Variants in GALNT17 observed in about 807,000 individuals in gnomAD.
The protein encoded by GALNT17 is polypeptide N-acetylgalactosaminyltransferase 17, also known as UDP-GalNAc:polypeptide N-acetylgalactosaminyltransferase-like 3.
GALNT17 carries 29 observed loss-of-function variants against 63.7 expected under a neutral mutation model. That is an observed-to-expected ratio of 0.46 (90% CI 0.34 to 0.62). GALNT17 has a LOEUF of 0.62. GALNT17 is among the 20% of genes least tolerant of loss of function. The pLI, the probability that GALNT17 is intolerant of heterozygous loss-of-function variation, is 0.01. For missense variants in GALNT17, 603 were observed against 799.6 expected, an observed-to-expected ratio of 0.75 and a Z score of 2.97; for synonymous variants, 305 against 318.3, an observed-to-expected ratio of 0.96 and a Z score of 0.45.
At chr7:71,276,238 G>C (rs75757147) in intron 1 of GALNT17, among the ~76,000 whole-genome samples, 1 of 152,136 alleles carries the variant, frequency 6.6e-6, no homozygotes, top group Non-Finnish European at 1.5e-5. Flanking sequence ...GGCTGCAGGG[G>C]TGGGGGTGGT....
intron 1 of GALNT17, among the ~76,000 whole-genome samples, chr7:71,144,330 C>T (rs1377207213): frequency 6.6e-6 from 1 of 152,056 alleles, no homozygotes; most frequent in East Asian, 1.9e-4. Context: ...GGGGAACGTC[C>T]CACCTTGGCA....
chr7:71,412,369 A>T (rs1583929654), intron 3 of GALNT17, among the ~76,000 whole-genome samples: 1 of 146,468 alleles, frequency 6.8e-6, no homozygotes, highest in South Asian at 2.1e-4. Context: ...CTAGGCCATC[A>T]TCTCCCTTTT....
At chr7:71,664,376 A>G (rs1318933171) in intron 6 of GALNT17, among the ~76,000 whole-genome samples, 1 of 152,152 alleles carries the variant, frequency 6.6e-6, no homozygotes, top group Non-Finnish European at 1.5e-5. Context: ...TTGGGAGGCC[A>G]AGGTGGAAGA....
At chr7:71,637,580 G>A (rs1790546081) in intron 6 of GALNT17, among the ~76,000 whole-genome samples, 1 of 151,368 alleles carries the variant, frequency 6.6e-6, no homozygotes. Flanking sequence ...CAGAAGAACA[G>A]AAGCCTGAGG....
intron 1 of GALNT17, among the ~76,000 whole-genome samples, chr7:71,157,474 A>C (rs140298885): frequency 0.043 from 6,455 of 151,818 alleles, 244 homozygotes; most frequent in African/African-American, 0.061. Context: ...CCTGGCCAAC[A>C]TGGTGAAACC....
chr7:71,494,778 G>A (rs183634704), intron 5 of GALNT17, among the ~76,000 whole-genome samples: 4 of 152,170 alleles, frequency 2.6e-5, no homozygotes, highest in East Asian at 1.9e-4. Context: ...TCAGTTCCAC[G>A]TGGCTGGGGA....
chr7:71,216,046 A>AAATAAT lies in GALNT17; in HGVS notation c.238+83021_238+83026dup, dbSNP rs1554339811. ...CAATATCATGAGACCTTGTCTCCAT[A>AAATAAT]AATAATAATAATAATAATAAAAAAG... On this transcript the variant is annotated intron_variant, in intron 1 of 10. Transcript: ENST00000333538. 6.0e-3 allele frequency among the ~76,000 whole-genome samples: 690 copies of AAATAAT among 114,340 alleles called. 6 individuals are homozygous for AAATAAT. The highest frequency in any genetic ancestry group is 0.018 in the African/African-American group (657 of 36,694). 75.0% of individuals were successfully genotyped at this position (114,340 alleles called of 152,430 possible). A position where few individuals can be genotyped will look rare whatever the true frequency, so the allele number is the denominator to read the frequency against.
At chr7:71,186,857 G>A (rs1253597352) in intron 1 of GALNT17, among the ~76,000 whole-genome samples, 1 of 152,170 alleles carries the variant, frequency 6.6e-6, no homozygotes, top group Non-Finnish European at 1.5e-5. Flanking sequence ...GAGAAAGGCT[G>A]GGCCTGCTGT....
chr7:71,267,430 A>G (rs1052950092), intron 1 of GALNT17, among the ~76,000 whole-genome samples: 1 of 151,736 alleles, frequency 6.6e-6, no homozygotes. Flanking sequence ...AATAAGTCTA[A>G]TAGGTAGAAA....
At chr7:71,675,948 A>G (rs1269706386) in intron 8 of GALNT17, among the ~76,000 whole-genome samples, 6 of 152,200 alleles carry the variant, frequency 3.9e-5, no homozygotes, top group Admixed American at 3.9e-4. Flanking sequence ...AGATCGCGCC[A>G]TTGCATTTCA....
intron 1 of GALNT17, among the ~76,000 whole-genome samples, chr7:71,247,516 G>C (rs942705299): frequency 1.3e-5 from 2 of 152,132 alleles, no homozygotes; most frequent in African/African-American, 4.8e-5. Context: ...CAGTGCAGTG[G>C]CGCAATCTCG....
intron 1 of GALNT17, among the ~76,000 whole-genome samples, chr7:71,173,205 G>A (rs1363311553): frequency 7.2e-5 from 11 of 152,088 alleles, no homozygotes; most frequent in African/African-American, 4.8e-5. Context: ...TCTCAGATGC[G>A]GAAGTGCACT....
chr7:71,260,505 TCTC>T (rs1790366429), intron 1 of GALNT17, among the ~76,000 whole-genome samples: 1 of 152,168 alleles, frequency 6.6e-6, no homozygotes, highest in East Asian at 1.9e-4. Flanking sequence ...GGGGACTCAT[TCTC>T]CTAGAAATAT....
At chr7:71,453,220 C>G (rs1314850989) in intron 5 of GALNT17, among the ~76,000 whole-genome samples, 1 of 152,120 alleles carries the variant, frequency 6.6e-6, no homozygotes, top group African/African-American at 2.4e-5. Flanking sequence ...GAACATCATT[C>G]ATAATTATAT....
intron 1 of GALNT17, among the ~76,000 whole-genome samples, chr7:71,141,398 AAGAC>A (rs1272968876): frequency 7.2e-5 from 11 of 152,152 alleles, no homozygotes; most frequent in African/African-American, 2.4e-4. Flanking sequence ...AGAAAAAAAA[AAGAC>A]AGACTGGGTT....
At position 71,566,740 on chromosome 7, in the gene GALNT17, C is replaced by T. The variant is rs1789354691; in HGVS notation, c.963-4545C>T. On this transcript the variant is annotated intron_variant, in intron 5 of 10. Transcript: ENST00000333538. ...GTAGGTCATCATCACCGTTTGGTTG[C>T]AAAGAACGGAAACTTATCTAACACT... 1.3e-5 allele frequency among the ~76,000 whole-genome samples: 2 copies of T among 149,588 alleles called. 1 individual carries two copies. The highest frequency in any genetic ancestry group is 4.2e-4 in the South Asian group (2 of 4,760).
At chr7:71,342,241 G>A (rs553452122) in intron 2 of GALNT17, among the ~76,000 whole-genome samples, 21 of 152,292 alleles carry the variant, frequency 1.4e-4, no homozygotes, top group Non-Finnish European at 2.5e-4. Flanking sequence ...AGTCATGGCT[G>A]AAAGCAAAAG....
At chr7:71,439,569 C>A (rs1184636759) in intron 5 of GALNT17, among the ~76,000 whole-genome samples, 1 of 152,162 alleles carries the variant, frequency 6.6e-6, no homozygotes, top group Non-Finnish European at 1.5e-5. Context: ...CAGCTCCCAG[C>A]GGCAGGTAGA....
intron 1 of GALNT17, among the ~76,000 whole-genome samples, chr7:71,304,534 A>G (rs1791256401): frequency 6.6e-6 from 1 of 152,152 alleles, no homozygotes; most frequent in African/African-American, 2.4e-5. Context: ...CTCCAAGGGC[A>G]TCATTCTTGG....
Sources: allele counts gnomAD v4.1 joint callset (sites outside exome capture counted in the v4.1 genomes callset), GRCh38; gene constraint gnomAD v4.1.1; transcripts MANE v1.5; gene names NCBI Gene and HGNC (gene_info 2026-07-23, HGNC 2026-07-21).